The following LRFN2 variants were observed in gnomAD, a reference collection of about 807,000 sequenced individuals.
The protein encoded by LRFN2 is leucine-rich repeat and fibronectin type-III domain-containing protein 2.
LRFN2 carries 18 observed loss-of-function variants against 37.3 expected under a neutral mutation model. That is an observed-to-expected ratio of 0.48 (90% confidence interval 0.33 to 0.72). The LOEUF (loss-of-function observed/expected upper bound fraction) is 0.72, where lower values mean the gene tolerates loss of function less well. Among genes scored for constraint, LRFN2 ranks in the 30% least tolerant of loss-of-function variants. The pLI is 0.02. For synonymous variants in LRFN2, 556 were observed against 466.6 expected (o/e 1.19, Z -2.47); for missense variants, 1,006 against 1,060.7 (o/e 0.95, Z 0.72).
At chr6:40,509,691 C>G (rs1304069585) in intron 1 of LRFN2, among the ~76,000 whole-genome samples, 1 of 143,762 alleles carries the variant, frequency 7.0e-6, no homozygotes, top group Admixed American at 6.9e-5. Flanking sequence ...TGCATGCGTG[C>G]AGGTATGCCA....
intron 1 of LRFN2, among the ~76,000 whole-genome samples, chr6:40,448,639 C>T (rs1426762918): frequency 1.3e-5 from 2 of 152,152 alleles, no homozygotes; most frequent in Admixed American, 1.3e-4. Flanking sequence ...TACCAAAGGA[C>T]CGAATCGCTA....
At chr6:40,478,280 C>G (rs1288724411) in intron 1 of LRFN2, among the ~76,000 whole-genome samples, 2 of 152,158 alleles carry the variant, frequency 1.3e-5, no homozygotes, top group Non-Finnish European at 2.9e-5. Context: ...GAGACCAATG[C>G]TATTATTGGC....
Position 40,489,843 on chromosome 6 carries a change from C to T in LRFN2, c.-18-56712G>A, listed in dbSNP as rs553708068. 4.6e-5 allele frequency among the ~76,000 whole-genome samples: 7 copies of T among 152,302 alleles called. No homozygotes were observed. The South Asian group carries it at 1.5e-3, about 32-fold the overall frequency. On this transcript the variant is annotated intron_variant, in intron 1 of 2. Transcript: ENST00000338305. Reference sequence around the variant, plus strand: ...GTCCTTCTGTCTCCATCTACTCATTCCCTCCTGTGACTTACCCGCTGCTGC... The same window carrying T: ...GTCCTTCTGTCTCCATCTACTCATTTCCTCCTGTGACTTACCCGCTGCTGC...
chr6:40,394,548 G>A (rs549142562), intron 2 of LRFN2, among the ~76,000 whole-genome samples: 6 of 152,268 alleles, frequency 3.9e-5, no homozygotes, highest in East Asian at 1.9e-4. Context: ...TTGACATCCC[G>A]TCAGTGGGCA....
At chr6:40,584,218 C>A (rs1036263101) in intron 1 of LRFN2, among the ~76,000 whole-genome samples, 1 of 152,196 alleles carries the variant, frequency 6.6e-6, no homozygotes, top group African/African-American at 2.4e-5. Context: ...TCCAACCCTC[C>A]CTGTTTCCAC....
intron 2 of LRFN2, among the ~76,000 whole-genome samples, chr6:40,412,331 G>A (rs1762989504): frequency 1.3e-5 from 2 of 152,142 alleles, no homozygotes; most frequent in Non-Finnish European, 2.9e-5. Context: ...TTGAGTTAAT[G>A]AATTATTTAT....
At chr6:40,509,526 C>T (rs1019787101) in intron 1 of LRFN2, among the ~76,000 whole-genome samples, 1 of 152,198 alleles carries the variant, frequency 6.6e-6, no homozygotes, top group Non-Finnish European at 1.5e-5. Context: ...TGAGTGCATG[C>T]ATGTGGGTAT....
At chr6:40,511,940 G>A (rs1324176409) in intron 1 of LRFN2, among the ~76,000 whole-genome samples, 2 of 152,232 alleles carry the variant, frequency 1.3e-5, no homozygotes, top group African/African-American at 4.8e-5. Context: ...GAGAGAAAGA[G>A]GGAGGAACTA....
intron 1 of LRFN2, among the ~76,000 whole-genome samples, chr6:40,482,401 G>A (rs1399071346): frequency 6.6e-6 from 1 of 152,062 alleles, no homozygotes; most frequent in Non-Finnish European, 1.5e-5. Context: ...GGACCACGTG[G>A]AGGAGCCTCC....
At chr6:40,544,169 G>A (rs753830249) in intron 1 of LRFN2, among the ~76,000 whole-genome samples, 1 of 152,194 alleles carries the variant, frequency 6.6e-6, no homozygotes, top group Non-Finnish European at 1.5e-5. Flanking sequence ...AGTGTGTGCT[G>A]CGAGCGCACC....
intron 1 of LRFN2, among the ~76,000 whole-genome samples, chr6:40,497,445 A>G (rs1324903244): frequency 6.6e-6 from 1 of 151,966 alleles, no homozygotes; most frequent in Non-Finnish European, 1.5e-5. Flanking sequence ...CCCTATCCAG[A>G]TATTTGCCTC....
At chr6:40,445,921 C>G (rs1433896131) in intron 1 of LRFN2, among the ~76,000 whole-genome samples, 3 of 152,194 alleles carry the variant, frequency 2.0e-5, no homozygotes, top group Non-Finnish European at 2.9e-5. Flanking sequence ...AAACACTTAA[C>G]CAGGGCCAGG....
intron 1 of LRFN2, among the ~76,000 whole-genome samples, chr6:40,552,648 A>C (rs1256982173): frequency 6.6e-6 from 1 of 152,240 alleles, no homozygotes; most frequent in Non-Finnish European, 1.5e-5. Flanking sequence ...TCAGTCACTA[A>C]AGTCTCAAAA....
At chr6:40,448,444 C>T (rs1764025688) in intron 1 of LRFN2, among the ~76,000 whole-genome samples, 2 of 152,002 alleles carry the variant, frequency 1.3e-5, no homozygotes, top group African/African-American at 4.8e-5. Flanking sequence ...AATGATACCC[C>T]ATGAATATAT....
In LRFN2 at chr6:40,401,807, C is replaced by G. The variant is rs192122797; in HGVS notation, c.1401-8895G>C. Among the ~76,000 whole-genome samples, 3 of 152,274 alleles carry G rather than the reference C, an allele frequency of 2.0e-5. No individual in the cohort carries two copies. In the East Asian group the frequency reaches 5.8e-4, roughly 29 times the overall value. On this transcript the variant is annotated intron_variant, in intron 2 of 2. Transcript: ENST00000338305. ...CCAGCCTCCAGCCTCCCCTCTGCCCCACTAGCACCACGCCTTTCTAGGTGC... is the reference window on the plus strand; with the variant it reads ...CCAGCCTCCAGCCTCCCCTCTGCCCGACTAGCACCACGCCTTTCTAGGTGC...
chr6:40,510,390 C>A (rs1765672231), intron 1 of LRFN2, among the ~76,000 whole-genome samples: 1 of 152,214 alleles, frequency 6.6e-6, no homozygotes, highest in Non-Finnish European at 1.5e-5. Context: ...CTGATGCCTC[C>A]CTGGTCATCT....
At chr6:40,434,160 AG>A (rs1763584888) in intron 1 of LRFN2, among the ~76,000 whole-genome samples, 1 of 152,210 alleles carries the variant, frequency 6.6e-6, no homozygotes, top group African/African-American at 2.4e-5. Context: ...TAAAGCCCCA[AG>A]AAGAAGGGAC....
At chr6:40,428,653 T>A (rs1349655225) in intron 2 of LRFN2, among the ~76,000 whole-genome samples, 1 of 152,226 alleles carries the variant, frequency 6.6e-6, no homozygotes, top group East Asian at 1.9e-4. Context: ...TGCTGTGTGA[T>A]CTTGGAAGAA....
intron 1 of LRFN2, among the ~76,000 whole-genome samples, chr6:40,452,571 C>G (rs1327183265): frequency 6.6e-6 from 1 of 152,158 alleles, no homozygotes; most frequent in Non-Finnish European, 1.5e-5. Flanking sequence ...CCTAAATTCT[C>G]CACCCTGGAA....
Sources: allele counts gnomAD v4.1 joint callset (sites outside exome capture counted in the v4.1 genomes callset), GRCh38; gene constraint gnomAD v4.1.1; transcripts MANE v1.5; gene names NCBI Gene and HGNC (gene_info 2026-07-23, HGNC 2026-07-21).